Variants in MYO16 observed in about 807,000 individuals in gnomAD.
MYO16 encodes the protein unconventional myosin-XVI.
In MYO16, 94 loss-of-function variants were observed where a neutral mutation model predicts 205.3. The ratio of observed to expected loss-of-function variants is 0.46; its 90% CI spans 0.39 to 0.54. The LOEUF (loss-of-function observed/expected upper bound fraction) is 0.54, where lower values mean the gene tolerates loss of function less well. Ranked by LOEUF, MYO16 falls within the 20% of genes least tolerant of loss-of-function variation. The probability of loss-of-function intolerance (pLI) is 0.00; values close to 1 mark genes in which losing one functional copy is unlikely to be tolerated. For synonymous variants in MYO16, 988 were observed against 954.0 expected (o/e 1.04, Z -0.66); for missense variants, 2,315 against 2,387.5 (o/e 0.97, Z 0.63).
At chr13:108,916,562 C>G (rs1003907663) in intron 16 of MYO16, among the ~76,000 whole-genome samples, 3 of 152,210 alleles carry the variant, frequency 2.0e-5, no homozygotes, top group African/African-American at 7.2e-5. Context: ...ATTGCCACCT[C>G]TAATGACTAT....
the MYO16 span, among the ~76,000 whole-genome samples, chr13:108,552,129 G>T: frequency 1.3e-5 from 2 of 152,124 alleles, no homozygotes; most frequent in African/African-American, 4.8e-5. Flanking sequence ...AAGGTGTTTT[G>T]GGCCAAAGAT....
intron 11 of MYO16, 46 bp downstream of exon 11, chr13:108,855,599 C>A: frequency 7.5e-7 from 1 of 1,333,580 alleles, no homozygotes; most frequent in Non-Finnish European, 1.0e-6. Context: ...TCTCTTGCTG[C>A]ATATTTTTAT....
chr13:109,049,516 T>C (rs2139598964), intron 24 of MYO16, among the ~76,000 whole-genome samples: 1 of 152,306 alleles, frequency 6.6e-6, no homozygotes, highest in East Asian at 1.9e-4. Context: ...ACTGGGTCAG[T>C]TACATATTTT....
intron 16 of MYO16, among the ~76,000 whole-genome samples, chr13:108,951,708 G>T (rs138926797): frequency 6.6e-6 from 1 of 152,174 alleles, no homozygotes; most frequent in African/African-American, 2.4e-5. Context: ...AAACAATGGC[G>T]ATGTAGACAG....
intron 16 of MYO16, among the ~76,000 whole-genome samples, chr13:108,945,341 A>C (rs1007602917): frequency 4.6e-5 from 7 of 152,214 alleles, no homozygotes; most frequent in Non-Finnish European, 4.4e-5. Context: ...ACCTGAAAGC[A>C]CAATTCATGG....
chr13:109,047,171 A>G (rs1156692301), intron 24 of MYO16, among the ~76,000 whole-genome samples, 180 bp downstream of exon 24: 2 of 152,184 alleles, frequency 1.3e-5, no homozygotes, highest in African/African-American at 4.8e-5. Context: ...GTTGGCTACA[A>G]TGTAATTTGG....
rs185236975 is a variant in MYO16, at chr13:109,029,155, C to T, written c.2796+9244C>T. On this transcript the variant is annotated intron_variant, in intron 23 of 34. Coordinates refer to ENST00000457511, the MANE Select transcript of MYO16 (RefSeq NM_001198950.3). ...TTGAGATGGAGTTTTGCTCTTGTTG[C>T]CCAGGCTGGAGTGCAAAGACACAAT... Among the ~76,000 whole-genome samples the T allele has an allele frequency of 6.2e-5, 6 of 97,000 alleles. No homozygotes were observed. The East Asian group carries it at 1.8e-3, about 29-fold the overall frequency. 63.6% of individuals were successfully genotyped at this position (97,000 alleles called of 152,430 possible).
At position 108,992,480 on chromosome 13, in the gene MYO16, C is replaced by T. The variant is rs772697118; in HGVS notation, c.2442+32C>T. On this transcript the variant is annotated intron_variant, in intron 21 of 34. Transcript: ENST00000457511. ...AGTCTTTCTTTTAAAATTGTGTGAACTTGAATGGCTTTTGAAACTAAGTTC... is the reference window on the plus strand; with the variant it reads ...AGTCTTTCTTTTAAAATTGTGTGAATTTGAATGGCTTTTGAAACTAAGTTC... 21 of 1,346,644 alleles carry T rather than the reference C, an allele frequency of 1.6e-5. No homozygotes were observed. The Admixed American group carries it at 3.2e-4, about 21-fold the overall frequency. 83.4% of individuals were successfully genotyped at this position (1,346,644 alleles called of 1,614,324 possible).
At chr13:108,627,535 A>G (rs994794108), upstream of MYO16, among the ~76,000 whole-genome samples, 1 of 152,148 alleles carries the variant, frequency 6.6e-6, no homozygotes, top group Non-Finnish European at 1.5e-5. Context: ...AGTTTCTCTT[A>G]TAGCACAAAG....
At chr13:108,534,076 C>T in the MYO16 span, among the ~76,000 whole-genome samples, 1 of 152,152 alleles carries the variant, frequency 6.6e-6, no homozygotes, top group Non-Finnish European at 1.5e-5. Context: ...TGAAACGGTG[C>T]TTGTTCTGGT....
chr13:108,835,078 A>G (rs186173040), intron 9 of MYO16, among the ~76,000 whole-genome samples: 1 of 127,856 alleles, frequency 7.8e-6, no homozygotes, highest in East Asian at 2.0e-4. Flanking sequence ...AAACAAGTAT[A>G]TTACTTAGAA....
At chr13:108,864,698 A>T (rs913183412) in intron 11 of MYO16, among the ~76,000 whole-genome samples, 6 of 145,686 alleles carry the variant, frequency 4.1e-5, no homozygotes, top group Admixed American at 6.9e-5. Context: ...CCAGATAATT[A>T]AAAAAAAAAA....
the MYO16 span, among the ~76,000 whole-genome samples, chr13:108,573,094 GC>G: frequency 2.1e-3 from 322 of 152,278 alleles, 2 homozygotes; most frequent in African/African-American, 7.2e-3. Flanking sequence ...TAACTGGCAT[GC>G]TTTTTGTCCC....
the MYO16 span, among the ~76,000 whole-genome samples, chr13:108,506,426 G>GT: frequency 1.3e-5 from 2 of 151,958 alleles, no homozygotes; most frequent in South Asian, 2.1e-4. Context: ...TGATGCTATT[G>GT]TAAGTGGCAT....
Position 108,792,604 on chromosome 13 carries a change from T to C in MYO16, c.617-912T>C, listed in dbSNP as rs555618191. Among the ~76,000 whole-genome samples, 24 of 151,154 alleles carry C rather than the reference T, an allele frequency of 1.6e-4. No individual in the cohort carries two copies. The South Asian group carries it at 4.8e-3, about 30-fold the overall frequency. ...TTGGCTCACTGCAACCTCTGCCTCC[T>C]GGGTTCAAGCAATTCTTCTGCCTCA... On this transcript the variant is annotated intron_variant, in intron 5 of 34. Coordinates refer to ENST00000457511, the MANE Select transcript of MYO16 (RefSeq NM_001198950.3).
intron 3 of MYO16, among the ~76,000 whole-genome samples, chr13:108,725,649 A>C (rs961385129): frequency 1.3e-5 from 2 of 152,128 alleles, no homozygotes; most frequent in African/African-American, 4.8e-5. Context: ...CTTTCTTTTC[A>C]GGCAGTTCTT....
intron 2 of MYO16, among the ~76,000 whole-genome samples, chr13:108,685,025 AT>A (rs60535536): frequency 3.9e-4 from 55 of 142,046 alleles, no homozygotes; most frequent in South Asian, 1.2e-3. Flanking sequence ...AACCACCCCA[AT>A]TTTTTTTTTT....
chr13:108,890,716 T>C (rs1000747474), intron 14 of MYO16, among the ~76,000 whole-genome samples: 2 of 152,218 alleles, frequency 1.3e-5, no homozygotes, highest in African/African-American at 4.8e-5. Context: ...TGAACTGCCA[T>C]CAGCCTGTAT....
intron 2 of MYO16, among the ~76,000 whole-genome samples, chr13:108,676,362 T>C (rs2139456782): frequency 7.8e-6 from 1 of 128,086 alleles, no homozygotes; most frequent in Non-Finnish European, 1.7e-5. Context: ...AATGTGTGAT[T>C]ATATGTACGC....
Sources: allele counts gnomAD v4.1 joint callset (sites outside exome capture counted in the v4.1 genomes callset), GRCh38; gene constraint gnomAD v4.1.1; transcripts MANE v1.5; gene names NCBI Gene and HGNC (gene_info 2026-07-23, HGNC 2026-07-21).